The following TBC1D16 variants were observed in gnomAD, a reference collection of about 807,000 sequenced individuals.
The protein encoded by TBC1D16 is TBC1 domain family member 16.
In TBC1D16, 58 loss-of-function variants were observed where a neutral mutation model predicts 74.7. The ratio of observed to expected loss-of-function variants is 0.78; its 90% confidence interval spans 0.63 to 0.97. The LOEUF (loss-of-function observed/expected upper bound fraction) is 0.97. Ranked by LOEUF, TBC1D16 falls within the 50% of genes least tolerant of loss-of-function variation. TBC1D16 has a pLI of 0.00. For missense variants in TBC1D16, 1,014 were observed against 1,079.5 expected (o/e 0.94, Z 0.85); for synonymous variants, 493 against 474.7 (o/e 1.04, Z -0.50).
Position 79,980,078 on chromosome 17 carries a change from C to T in TBC1D16, c.780-27260G>A, listed in dbSNP as rs761491556. On this transcript the variant is annotated intron_variant, in intron 3 of 11. Coordinates refer to ENST00000310924, the MANE Select transcript of TBC1D16 (RefSeq NM_019020.4). The surrounding 1 kb of genome is among the most constrained non-coding windows in gnomAD (Gnocchi z 7.0). ...AGCTCACCGTGCCGTGGAGGGTGGCCGCGAGGTTCATCTGGGCCTCCGAGC... is the reference window on the plus strand; with the variant it reads ...AGCTCACCGTGCCGTGGAGGGTGGCTGCGAGGTTCATCTGGGCCTCCGAGC... Among the ~76,000 whole-genome samples, 1 of 152,126 alleles carries T rather than the reference C, an allele frequency of 6.6e-6. No individual in the cohort carries two copies. The highest frequency in any genetic ancestry group is 2.1e-4 in the South Asian group (1 of 4,832).
chr17:79,953,834 G>A (rs1474341760), intron 3 of TBC1D16, among the ~76,000 whole-genome samples: 3 of 150,950 alleles, frequency 2.0e-5, no homozygotes, highest in Admixed American at 6.6e-5. Context: ...TGCAGTGTGC[G>A]ATCTCGGCTC....
intron 3 of TBC1D16, among the ~76,000 whole-genome samples, chr17:79,974,282 A>G (rs958228165): frequency 3.0e-4 from 46 of 152,166 alleles, no homozygotes; most frequent in African/African-American, 1.0e-3. Flanking sequence ...TCTGTTGCCC[A>G]GGCTGGAGTG....
At chr17:80,005,057 T>C (rs967104637) in intron 3 of TBC1D16, among the ~76,000 whole-genome samples, 6 of 151,920 alleles carry the variant, frequency 3.9e-5, no homozygotes, top group African/African-American at 1.4e-4. Flanking sequence ...CAGAATCTGG[T>C]GTTTTTGTTG....
chr17:80,030,075 C>A (rs1035845681), intron 1 of TBC1D16, among the ~76,000 whole-genome samples: 5 of 152,132 alleles, frequency 3.3e-5, no homozygotes, highest in Non-Finnish European at 7.3e-5. Context: ...CAGGATCATC[C>A]CCCATTTCAA....
intron 1 of TBC1D16, 121 bp from the exon 2 acceptor site, chr17:80,013,730 G>A: frequency 1.7e-6 from 1 of 605,482 alleles, no homozygotes. Flanking sequence ...TCCTGCTGGT[G>A]AACAGCTCTG....
chr17:79,977,503 C>A (rs1280641985), intron 3 of TBC1D16, among the ~76,000 whole-genome samples: 1 of 152,256 alleles, frequency 6.6e-6, no homozygotes, highest in Non-Finnish European at 1.5e-5. Flanking sequence ...TCTCTGCAAC[C>A]CTTGCCCCAC....
chr17:79,998,604 C>T (rs531787116), intron 3 of TBC1D16, among the ~76,000 whole-genome samples: 36 of 151,476 alleles, frequency 2.4e-4, no homozygotes, highest in African/African-American at 8.2e-4. Context: ...CTCGGCCTCC[C>T]AAAGCGCTGG....
chr17:79,978,096 G>T (rs1306614463), intron 3 of TBC1D16, among the ~76,000 whole-genome samples: 2 of 152,182 alleles, frequency 1.3e-5, no homozygotes, highest in African/African-American at 4.8e-5. Context: ...CTGCCCCATG[G>T]TCACGGTCGA....
chr17:79,953,183 G>A lies in TBC1D16; in HGVS notation c.780-365C>T, dbSNP rs977501287. On this transcript the variant is annotated intron_variant, in intron 3 of 11. Transcript: ENST00000310924. The stretch of plus-strand genomic sequence containing the variant: ...CGTTTTCCCATGGATAAAGAAGGCA[G>A]GAGAATAACAAGGCTGGGTTTCCCT... Among the ~76,000 whole-genome samples the A allele has an allele frequency of 2.0e-5, 3 of 152,096 alleles. No individual in the cohort carries two copies. In the South Asian group the frequency reaches 6.2e-4, roughly 31 times the overall value.
Position 79,971,086 on chromosome 17 carries a change from T to A in TBC1D16, c.780-18268A>T, listed in dbSNP as rs915037303. Among the ~76,000 whole-genome samples the A allele has an allele frequency of 3.3e-5, 5 of 151,994 alleles. No individual in the cohort carries two copies. The highest frequency in any genetic ancestry group is 7.4e-5 in the Non-Finnish European group (5 of 67,994). ...TGCCCAGGCTGGAGTGCAGTGGCGC[T>A]ATCTCGGCTCACTGCAACCTCCACC... On this transcript the variant is annotated intron_variant, in intron 3 of 11. Coordinates refer to ENST00000310924, the MANE Select transcript of TBC1D16 (RefSeq NM_019020.4). This position sits in a 1 kb window ranked among gnomAD's most constrained non-coding sequence, Gnocchi z 4.6.
chr17:79,974,988 C>T (rs559969444), intron 3 of TBC1D16, among the ~76,000 whole-genome samples: 2 of 152,172 alleles, frequency 1.3e-5, no homozygotes, highest in Non-Finnish European at 2.9e-5. Flanking sequence ...GTTGGGGCCA[C>T]CCCCGCAGCC....
intron 3 of TBC1D16, among the ~76,000 whole-genome samples, chr17:79,960,779 C>CAAAAAAAAAAAAAAAAAAAACA (rs2033561619): frequency 2.9e-5 from 1 of 33,948 alleles, no homozygotes; most frequent in African/African-American, 1.0e-4. Context: ...AACAAAAACC[C>CAAAAAAAAAAAAAAAAAAAACA]AAAAAAAAAA....
Position 79,941,950 on chromosome 17 carries a change from TCTGGGGGCGGGGCC to T in TBC1D16, c.2055+96_2055+109del. 4 of 1,017,340 alleles carry T rather than the reference TCTGGGGGCGGGGCC, an allele frequency of 3.9e-6. No individual in the cohort carries two copies. Among genetic ancestry groups the T allele is most frequent in the Non-Finnish European group, 5.6e-6 (4 of 712,220 alleles). 63.0% of individuals were successfully genotyped at this position (1,017,340 alleles called of 1,614,324 possible). A position where few individuals can be genotyped will look rare whatever the true frequency, so the allele number is the denominator to read the frequency against. ...TGGGGGGCCATGGTGGGGATGGGGC[TCTGGGGGCGGGGCC>T]CACATCTGGGGCAGCCTCACCTTTC... On this transcript the variant is annotated intron_variant, in intron 11 of 11. Coordinates refer to ENST00000310924, the MANE Select transcript of TBC1D16 (RefSeq NM_019020.4). This position sits in a 1 kb window ranked among gnomAD's most constrained non-coding sequence, Gnocchi z 4.3.
At position 79,942,220 on chromosome 17, in the gene TBC1D16, T is replaced by C. The variant is rs373172749; in HGVS notation, c.1909-14A>G. 6 of 1,575,864 alleles carry C rather than the reference T, an allele frequency of 3.8e-6. No individual in the cohort carries two copies. The highest frequency in any genetic ancestry group is 1.2e-5 in the South Asian group (1 of 86,600). ...GAAGTAGTCCGTCTGTGGAGGCGGG[T>C]AGAGTTCAGACACGGGCTCTGACCG... On this transcript the variant is annotated splice_polypyrimidine_tract_variant and intron_variant, in intron 10 of 11. Coordinates refer to ENST00000310924, the MANE Select transcript of TBC1D16 (RefSeq NM_019020.4).
At chr17:79,957,722 A>G (rs60582626) in intron 3 of TBC1D16, among the ~76,000 whole-genome samples, 57,564 of 150,558 alleles carry the variant, frequency 0.38, 11,213 homozygotes, top group East Asian at 0.63. Flanking sequence ...GTGTGGGCTC[A>G]TGAGTCGTAA....
At chr17:80,006,075 T>C (rs2035664713) in intron 3 of TBC1D16, among the ~76,000 whole-genome samples, 2 of 151,922 alleles carry the variant, frequency 1.3e-5, no homozygotes, top group African/African-American at 4.8e-5. Flanking sequence ...CCGCTCAGAG[T>C]GGCGATGGGT....
Position 80,025,090 on chromosome 17 carries a change from C to CACAAACACACCCCATG in TBC1D16, c.-63+10704_-63+10705insCATGGGGTGTGTTTGT, listed in dbSNP as rs555996189. Among the ~76,000 whole-genome samples, 2 of 10,334 alleles carry CACAAACACACCCCATG rather than the reference C, an allele frequency of 1.9e-4. 1 individual carries two copies. Among genetic ancestry groups the CACAAACACACCCCATG allele is most frequent in the Non-Finnish European group, 4.2e-4 (2 of 4,746 alleles). The allele number at this position is 10,334 out of a possible 152,430, so 6.8% of individuals were successfully genotyped here. ...TGACACACACACACATACCATGACA[C>CACAAACACACCCCATG]ACACACACCATATACACACAAACAC... On this transcript the variant is annotated intron_variant, in intron 1 of 11. Coordinates refer to ENST00000310924, the MANE Select transcript of TBC1D16 (RefSeq NM_019020.4).
At chr17:79,984,184 G>C (rs1012162791) in intron 3 of TBC1D16, among the ~76,000 whole-genome samples, 8 of 152,134 alleles carry the variant, frequency 5.3e-5, no homozygotes, top group Non-Finnish European at 8.8e-5. Flanking sequence ...AGCACGCCCA[G>C]CCAATTTTTC....
rs1288528105 is a variant in TBC1D16 at position 79,935,544 on chromosome 17, G to A, written c.*5315C>T. ...GCAGGCTGCCCTTGGGCTGCCACGG[G>A]GCCCTGTTTGCCCAGCACAGAGCCT... On this transcript the variant is annotated 3_prime_UTR_variant, in exon 12 of 12. Transcript: ENST00000310924. 2 of 151,588 alleles carry A rather than the reference G, an allele frequency of 1.3e-5. 1 individual carries two copies. Among genetic ancestry groups the A allele is most frequent in the African/African-American group, 4.9e-5 (2 of 40,796 alleles). 9.4% of individuals were successfully genotyped at this position (151,588 alleles called of 1,614,324 possible).
Sources: allele counts gnomAD v4.1 joint callset (sites outside exome capture counted in the v4.1 genomes callset), GRCh38; gene constraint gnomAD v4.1.1; non-coding constraint Gnocchi (gnomAD v3.1); transcripts MANE v1.5; gene names NCBI Gene and HGNC (gene_info 2026-07-23, HGNC 2026-07-21).